STARD9: variants seen among roughly 807,000 people sequenced by gnomAD.
The protein encoded by STARD9 is StAR related lipid transfer domain containing 9.
In STARD9, 346 loss-of-function variants were observed where a neutral mutation model predicts 399.8. That is an observed-to-expected ratio of 0.87 (90% CI 0.79 to 0.95). STARD9 has a LOEUF of 0.95. Among genes scored for constraint, STARD9 ranks in the 40% least tolerant of loss-of-function variants. STARD9 has a pLI of 0.00. For missense variants in STARD9, 5,832 were observed against 5,667.5 expected (o/e 1.03, Z -0.93); for synonymous variants, 2,203 against 2,143.5 (o/e 1.03, Z -0.77).
At chr15:42,667,706 T>C (rs1226360009) in intron 15 of STARD9, among the ~76,000 whole-genome samples, 1 of 151,332 alleles carries the variant, frequency 6.6e-6, no homozygotes, top group East Asian at 2.0e-4. Flanking sequence ...CTTAAACTCC[T>C]GATCTCAGGT....
In STARD9 at chr15:42,685,006, A is replaced by T; in HGVS notation, c.3428A>T (p.Asp1143Val). Residue 1143 changes from aspartate to valine, a missense_variant, in exon 23 of 33, where the codon GAC becomes GTC. This residue lies in a region of STARD9 where 5,828 missense variants were observed against 5,651.1 expected (regional missense o/e 1.03). Coordinates refer to ENST00000290607, the MANE Select transcript of STARD9 (RefSeq NM_020759.3). ...GAGCCAGAGAACTCTGAAAGTGATG[A>T]CAGCCAACTATCTGAGGACTCACTG... ...FPEPENSESD[D>V]SQLSEDSLAE... is the part of the protein sequence containing the mutation. 1.3e-6 allele frequency: 2 copies of T among 1,537,166 alleles called. No homozygotes were observed. The highest frequency in any genetic ancestry group is 1.7e-6 in the Non-Finnish European group (2 of 1,146,940).
chr15:42,606,885 C>G (rs1479553231), intron 3 of STARD9, among the ~76,000 whole-genome samples: 1 of 152,036 alleles, frequency 6.6e-6, no homozygotes, highest in Non-Finnish European at 1.5e-5. Context: ...AATAGCTCAC[C>G]CATTATAGCA....
chr15:42,697,544 A>G (rs1308115541), intron 26 of STARD9, among the ~76,000 whole-genome samples: 1 of 152,176 alleles, frequency 6.6e-6, no homozygotes, highest in Non-Finnish European at 1.5e-5. Flanking sequence ...TAATCCAAAT[A>G]TCAGAAATTC....
chr15:42,700,691 A>G (rs1324283561), intron 26 of STARD9, among the ~76,000 whole-genome samples: 1 of 152,138 alleles, frequency 6.6e-6, no homozygotes, highest in Non-Finnish European at 1.5e-5. Flanking sequence ...TGTCATATGC[A>G]TAGTTTGCAA....
chr15:42,681,993 C>A, intron 21 of STARD9, 111 bp from the exon 22 acceptor site: 1 of 735,528 alleles, frequency 1.4e-6, no homozygotes, highest in Non-Finnish European at 2.2e-6. Flanking sequence ...TCACCTTGGC[C>A]AGCTCTTTCA....
intron 20 of STARD9, among the ~76,000 whole-genome samples, chr15:42,678,247 T>C (rs924218758): frequency 6.6e-6 from 1 of 152,192 alleles, no homozygotes; most frequent in African/African-American, 2.4e-5. Flanking sequence ...GCTCCCAGTC[T>C]GGATTTGTGG....
chr15:42,718,025 T>C lies in STARD9; in HGVS notation c.13608T>C (p.Ser4536=). The change falls in exon 30 of 33, where the codon TCT becomes TCC. Residue 4536 remains serine, a synonymous_variant. Transcript: ENST00000290607. The part of the protein sequence containing the change: ...QAVQLYYKVF[S]PTRHGFLGAG... ...TGCAGCTTTACTACAAGGTGTTTTC[T>C]CCCACTCGGCATGGCTTCCTGGGGG... is the stretch of plus-strand genomic sequence containing the variant. 1.3e-6 allele frequency: 2 copies of C among 1,537,218 alleles called. No homozygotes were observed. Among genetic ancestry groups the C allele is most frequent in the Non-Finnish European group, 1.7e-6 (2 of 1,146,902 alleles).
chr15:42,611,230 G>A (rs74715782), intron 3 of STARD9, among the ~76,000 whole-genome samples: 3,288 of 152,282 alleles, frequency 0.022, 135 homozygotes, highest in African/African-American at 0.076. Flanking sequence ...TGTAATATTT[G>A]TGGATGATTT....
At chr15:42,619,170 T>C (rs1444966589) in intron 3 of STARD9, among the ~76,000 whole-genome samples, 1 of 152,154 alleles carries the variant, frequency 6.6e-6, no homozygotes, top group Non-Finnish European at 1.5e-5. Context: ...GCATAGATTC[T>C]TGTAATCACC....
rs1299659606 is a variant in STARD9, at chr15:42,688,298, AG to A, written c.6722del (p.Gly2241GlufsTer9). 2.0e-6 allele frequency: 3 copies of A among 1,537,488 alleles called. No individual in the cohort carries two copies. The highest frequency in any genetic ancestry group is 2.6e-6 in the Non-Finnish European group (3 of 1,147,022). On this transcript the variant is annotated frameshift_variant, in exon 23 of 33. Coordinates refer to ENST00000290607, the MANE Select transcript of STARD9 (RefSeq NM_020759.3). LOFTEE classifies it high-confidence loss of function. ...GTCTCAAAGGGCAGCCTTGGGGCTT[AG>A]GAAGTCTTGAGGAATTGGAGACTGT... ...ASLKGQPWGL[G>X]SLEELETVKG...
At chr15:42,585,753 A>G (rs1259267202) in intron 3 of STARD9, 116 bp downstream of exon 3, 1 of 573,728 alleles carries the variant, frequency 1.7e-6, no homozygotes, top group Non-Finnish European at 2.9e-6. Context: ...ACAGATTGGA[A>G]GTACTCTAAT....
rs747469964 is a variant in STARD9 at position 42,585,673 on chromosome 15, CT to C, written c.234+43del. On this transcript the variant is annotated intron_variant, in intron 3 of 32. Transcript: ENST00000290607. ...TTATCATTTTTCTTTCACCTCAGTT[CT>C]TTTTTTATGTATAATATTTAAGATG... 6.4e-5 allele frequency: 81 copies of C among 1,271,054 alleles called. 1 individual carries two copies. The highest frequency in any genetic ancestry group is 6.5e-5 in the Non-Finnish European group (59 of 906,166). 78.7% of individuals were successfully genotyped at this position (1,271,054 alleles called of 1,614,324 possible). A position where few individuals can be genotyped will look rare whatever the true frequency, so the allele number is the denominator to read the frequency against.
intron 7 of STARD9, among the ~76,000 whole-genome samples, chr15:42,649,398 C>A (rs1265446613): frequency 6.6e-6 from 1 of 152,076 alleles, no homozygotes; most frequent in Non-Finnish European, 1.5e-5. Context: ...TCTTCCTGCT[C>A]ACTCATTCTT....
At chr15:42,701,918 C>T (rs570764821) in intron 26 of STARD9, among the ~76,000 whole-genome samples, 2 of 138,032 alleles carry the variant, frequency 1.4e-5, no homozygotes, top group South Asian at 2.5e-4. Context: ...TGCTTGAACC[C>T]GGGAGGGTGG....
At chr15:42,640,689 C>T (rs1269827402) in intron 7 of STARD9, among the ~76,000 whole-genome samples, 1 of 151,988 alleles carries the variant, frequency 6.6e-6, no homozygotes, top group Non-Finnish European at 1.5e-5. Context: ...GGGCGTGTGG[C>T]ACACACCTAT....
At chr15:42,638,422 G>A (rs537969462) in intron 6 of STARD9, among the ~76,000 whole-genome samples, 6 of 152,188 alleles carry the variant, frequency 3.9e-5, no homozygotes, top group East Asian at 1.9e-4. Flanking sequence ...GGCTGGGTGC[G>A]GTGAATCTGG....
intron 3 of STARD9, among the ~76,000 whole-genome samples, chr15:42,619,983 T>G (rs2059054932): frequency 6.6e-6 from 1 of 152,208 alleles, no homozygotes; most frequent in South Asian, 2.1e-4. Flanking sequence ...AGGATTGTTT[T>G]GTTCTGGCAT....
At chr15:42,631,449 G>A (rs929920318) in intron 3 of STARD9, among the ~76,000 whole-genome samples, 1 of 152,040 alleles carries the variant, frequency 6.6e-6, no homozygotes, top group African/African-American at 2.4e-5. Flanking sequence ...GCGTGGTGGT[G>A]TGCGCCGGTA....
At chr15:42,593,821 G>GCC (rs2058450415) in intron 3 of STARD9, among the ~76,000 whole-genome samples, 1 of 151,168 alleles carries the variant, frequency 6.6e-6, no homozygotes, top group Non-Finnish European at 1.5e-5. Context: ...CCGCCACCAC[G>GCC]CCCGGCTAAC....
Sources: gnomAD v4.1 joint callset for allele counts (sites outside exome capture counted in the v4.1 genomes callset) on GRCh38, gnomAD v4.1.1 for gene constraint, gnomAD v4.1.1 regional missense constraint, MANE v1.5 for transcripts, NCBI Gene and HGNC (gene_info 2026-07-23, HGNC 2026-07-21) for gene names.